The following SLC35F4 variants were observed in gnomAD, a reference collection of about 807,000 sequenced individuals.
The protein encoded by SLC35F4 is chromosome 14 open reading frame 36.
Under a neutral mutation model 44.2 loss-of-function variants are expected in SLC35F4, and 24 were observed. The ratio of observed to expected loss-of-function variants is 0.54; its 90% CI spans 0.39 to 0.76. SLC35F4 has a LOEUF of 0.76. SLC35F4 is among the 30% of genes least tolerant of loss of function. The probability of loss-of-function intolerance (pLI) is 0.00; values close to 1 mark genes in which losing one functional copy is unlikely to be tolerated. For synonymous variants in SLC35F4, 238 were observed against 223.6 expected (o/e 1.06, Z -0.57); for missense variants, 562 against 586.1 (o/e 0.96, Z 0.42).
chr14:57,877,126 T>C (rs1485910361), intron 1 of SLC35F4, among the ~76,000 whole-genome samples: 1 of 152,144 alleles, frequency 6.6e-6, no homozygotes, highest in African/African-American at 2.4e-5. Flanking sequence ...GCCTAGTACC[T>C]GATAGGCAGT....
intron 1 of SLC35F4, chr14:57,604,085 G>A (rs998881062): frequency 1.3e-5 from 2 of 152,146 alleles, no homozygotes; most frequent in African/African-American, 4.8e-5. Flanking sequence ...ATGAGCACCT[G>A]GTGGCAAGTT....
At chr14:57,869,730 G>A (rs1888256588), upstream of SLC35F4, among the ~76,000 whole-genome samples, 1 of 152,190 alleles carries the variant, frequency 6.6e-6, no homozygotes, top group African/African-American at 2.4e-5. Context: ...TTTAAACAGT[G>A]TTAGTGTTTA....
chr14:57,830,952 C>T (rs146062229), intron 1 of SLC35F4, among the ~76,000 whole-genome samples: 28 of 152,304 alleles, frequency 1.8e-4, no homozygotes, highest in African/African-American at 6.5e-4. Flanking sequence ...AACACCAGCA[C>T]TTATTTGAAG....
At chr14:57,601,042 C>T (rs2070796992) in intron 1 of SLC35F4, among the ~76,000 whole-genome samples, 1 of 152,242 alleles carries the variant, frequency 6.6e-6, no homozygotes, top group Non-Finnish European at 1.5e-5. Context: ...TTCCATCGTA[C>T]TTACCAGGTA....
chr14:57,942,274 G>A (rs532588489), intron 1 of SLC35F4, among the ~76,000 whole-genome samples: 1 of 152,246 alleles, frequency 6.6e-6, no homozygotes, highest in South Asian at 2.1e-4. Flanking sequence ...CTCTGTTGTA[G>A]ACCAGGTGAA....
At chr14:57,815,030 T>A (rs1042455778) in intron 1 of SLC35F4, among the ~76,000 whole-genome samples, 2 of 152,220 alleles carry the variant, frequency 1.3e-5, no homozygotes, top group Admixed American at 1.3e-4. Context: ...ACAGTCATAC[T>A]CATTTGTTCA....
At chr14:57,890,551 C>CCCCATGCTA (rs11283033) in intron 1 of SLC35F4, among the ~76,000 whole-genome samples, 45,471 of 151,786 alleles carry the variant, frequency 0.3, 7,443 homozygotes, top group East Asian at 0.5. Context: ...GAGCCCCTCT[C>CCCCATGCTA]CACTGCATGG....
At chr14:57,659,830 G>C (rs147271653) in intron 1 of SLC35F4, among the ~76,000 whole-genome samples, 20 of 152,124 alleles carry the variant, frequency 1.3e-4, no homozygotes, top group African/African-American at 4.6e-4. Context: ...ACAGTAAAAT[G>C]TTTTGGCAAT....
intron 7 of SLC35F4, among the ~76,000 whole-genome samples, chr14:57,566,068 G>A (rs2068192576): frequency 6.6e-6 from 1 of 152,104 alleles, no homozygotes; most frequent in Non-Finnish European, 1.5e-5. Flanking sequence ...GCTTTCCGTG[G>A]CTCCCCATGG....
intron 1 of SLC35F4, among the ~76,000 whole-genome samples, chr14:57,864,431 T>A (rs180780676): frequency 3.3e-4 from 51 of 152,252 alleles, no homozygotes; most frequent in Admixed American, 3.3e-3. Flanking sequence ...ACAGAAACCA[T>A]CCAAATCAGA....
chr14:57,728,376 T>C (rs773641395), intron 1 of SLC35F4, among the ~76,000 whole-genome samples: 6 of 151,892 alleles, frequency 4.0e-5, no homozygotes, highest in Non-Finnish European at 7.4e-5. Context: ...TTTGTTTTAC[T>C]GCATGCTTAC....
At position 57,581,334 on chromosome 14, in the gene SLC35F4, A is replaced by G; in HGVS notation, c.687T>C (p.Leu229=). The G allele has an allele frequency of 3.1e-6, 5 of 1,613,630 alleles. No homozygotes were observed. Among genetic ancestry groups the G allele is most frequent in the Non-Finnish European group, 4.2e-6 (5 of 1,179,766 alleles). Residue 229 remains leucine (L), a synonymous_variant, in exon 4 of 8, where the codon CTT becomes CTC. Coordinates refer to ENST00000556826, the MANE Select transcript of SLC35F4 (RefSeq NM_001306087.2). ...FSILWTLTNY[L]YLLALKKLTA... ...TCAGCTTCTTTAAAGCCAGTAAATA[A>G]AGGTAATTAGTCAAAGTCCATAGAA... is the stretch of plus-strand genomic sequence containing the variant.
intron 1 of SLC35F4, among the ~76,000 whole-genome samples, chr14:57,741,272 G>A (rs550657040): frequency 7.9e-5 from 12 of 152,060 alleles, no homozygotes; most frequent in South Asian, 2.1e-4. Flanking sequence ...TCAGGTGATC[G>A]GTAATAACAA....
At chr14:57,732,625 A>G (rs1477682589) in intron 1 of SLC35F4, among the ~76,000 whole-genome samples, 2 of 152,212 alleles carry the variant, frequency 1.3e-5, no homozygotes, top group African/African-American at 4.8e-5. Context: ...AAATAGAGTT[A>G]AAGAGCTTTA....
chr14:57,818,657 A>G (rs1882861205), intron 1 of SLC35F4, among the ~76,000 whole-genome samples: 1 of 152,192 alleles, frequency 6.6e-6, no homozygotes, highest in Admixed American at 6.5e-5. Context: ...AATAAAATAA[A>G]CAAAGGCTCA....
At chr14:57,839,688 A>G (rs140797039) in intron 1 of SLC35F4, among the ~76,000 whole-genome samples, 674 of 152,160 alleles carry the variant, frequency 4.4e-3, no homozygotes, top group Non-Finnish European at 6.4e-3. Flanking sequence ...GGTGCAGCAA[A>G]CCACCATGGC....
At chr14:57,696,250 A>C (rs1484920307) in intron 1 of SLC35F4, among the ~76,000 whole-genome samples, 1 of 151,876 alleles carries the variant, frequency 6.6e-6, no homozygotes, top group Non-Finnish European at 1.5e-5. Flanking sequence ...AAACAAACTC[A>C]TCAAACAGTT....
intron 1 of SLC35F4, among the ~76,000 whole-genome samples, chr14:57,804,758 A>C (rs753485605): frequency 3.3e-5 from 5 of 152,212 alleles, no homozygotes; most frequent in Non-Finnish European, 7.3e-5. Context: ...ACAAAAGCAA[A>C]AGTTGACAAA....
At chr14:57,824,268 A>G (rs1883484028) in intron 1 of SLC35F4, among the ~76,000 whole-genome samples, 1 of 152,186 alleles carries the variant, frequency 6.6e-6, no homozygotes, top group Non-Finnish European at 1.5e-5. Context: ...ACATTCATTC[A>G]GTATTTAATC....
Sources: allele counts gnomAD v4.1 joint callset (sites outside exome capture counted in the v4.1 genomes callset), GRCh38; gene constraint gnomAD v4.1.1; transcripts MANE v1.5; gene names NCBI Gene and HGNC (gene_info 2026-07-23, HGNC 2026-07-21).